PTPRU: variants seen among roughly 807,000 people sequenced by gnomAD.
PTPRU encodes protein tyrosine phosphatase receptor type U, also known as receptor-type tyrosine-protein phosphatase U.
Under a neutral mutation model 166.3 loss-of-function variants are expected in PTPRU, and 69 were observed. The ratio of observed to expected loss-of-function variants is 0.41; its 90% CI spans 0.34 to 0.51. PTPRU has a LOEUF of 0.51. PTPRU is among the 20% of genes least tolerant of loss of function. PTPRU has a pLI of 0.09. For missense variants in PTPRU, 1,657 were observed against 2,013.7 expected (o/e 0.82, Z 3.39); for synonymous variants, 793 against 814.0 (o/e 0.97, Z 0.44).
chr1:29,265,078 T>C (rs576500546), intron 7 of PTPRU, among the ~76,000 whole-genome samples: 2 of 152,322 alleles, frequency 1.3e-5, no homozygotes, highest in South Asian at 4.1e-4. Flanking sequence ...ATACAGAGGT[T>C]TTTGCATGAA....
intron 14 of PTPRU, among the ~76,000 whole-genome samples, chr1:29,290,517 C>T (rs1454217240): frequency 6.6e-6 from 1 of 152,256 alleles, no homozygotes; most frequent in African/African-American, 2.4e-5. Flanking sequence ...TCCTCCTGCC[C>T]CTGTGCTGGT....
intron 1 of PTPRU, among the ~76,000 whole-genome samples, chr1:29,248,455 C>T (rs1010414769): frequency 5.9e-5 from 9 of 152,134 alleles, no homozygotes; most frequent in Non-Finnish European, 1.3e-4. Flanking sequence ...CCCCCACCCA[C>T]AACTGGGCAT....
intron 18 of PTPRU, 136 bp from the exon 19 acceptor site, chr1:29,310,608 G>A: frequency 2.2e-6 from 2 of 903,622 alleles, no homozygotes; most frequent in East Asian, 2.4e-5. Context: ...ATCCTGCTTA[G>A]GAGGTCCTAG....
chr1:29,326,675 C>T lies in PTPRU; in HGVS notation c.*1014C>T, dbSNP rs963500786. Reference sequence around the variant, plus strand: ...AATGGGGCAGGCCACACCCCCATTCCGTGCCTCAATTTCCCCATCTGTAAA... The same window carrying T: ...AATGGGGCAGGCCACACCCCCATTCTGTGCCTCAATTTCCCCATCTGTAAA... On this transcript the variant is annotated 3_prime_UTR_variant, in exon 30 of 30. Coordinates refer to ENST00000373779, the MANE Select transcript of PTPRU (RefSeq NM_133178.4). 2.0e-5 allele frequency: 3 copies of T among 152,204 alleles called. No homozygotes were observed. The highest frequency in any genetic ancestry group is 4.8e-5 in the African/African-American group (2 of 41,424). 9.4% of individuals were successfully genotyped at this position (152,204 alleles called of 1,614,324 possible).
intron 1 of PTPRU, among the ~76,000 whole-genome samples, chr1:29,243,979 G>A (rs1448332303): frequency 6.6e-6 from 1 of 152,170 alleles, no homozygotes; most frequent in Non-Finnish European, 1.5e-5. Flanking sequence ...TGACGCAGGA[G>A]GTCTTGGGCA....
intron 13 of PTPRU, 38 bp downstream of exon 13, chr1:29,284,014 G>T (rs902809307): frequency 1.2e-6 from 2 of 1,611,718 alleles, no homozygotes; most frequent in African/African-American, 1.3e-5. Context: ...TCAGCGGCAG[G>T]TTTCTCACCT....
At position 29,275,752 on chromosome 1, in the gene PTPRU, G is replaced by A. The variant is rs763555638; in HGVS notation, c.1449G>A (p.Glu483=). ...AGGAGGTCACTTTCCAGACGGATGA[G>A]GATGGTAAGAGTCTCAGTCCCAATT... ...EGKEVTFQTD[E]DVPSGIAAES... is the part of the protein sequence containing the mutation. Residue 483 remains glutamate (E), a synonymous_variant, in exon 8 of 30, where the codon GAG becomes GAA. Transcript: ENST00000373779. 2 of 1,613,542 alleles carry A rather than the reference G, an allele frequency of 1.2e-6. No homozygotes were observed. The highest frequency in any genetic ancestry group is 2.2e-5 in the South Asian group (2 of 91,018).
intron 15 of PTPRU, among the ~76,000 whole-genome samples, chr1:29,293,725 C>T (rs1173063070): frequency 3.3e-5 from 5 of 151,822 alleles, no homozygotes; most frequent in South Asian, 2.1e-4. Flanking sequence ...CCACCTGCCT[C>T]GACCTCCCAA....
At position 29,311,796 on chromosome 1, in the gene PTPRU, C is replaced by T; in HGVS notation, c.3072+37C>T. ...CACCGCCTGTTCCCTGCAGAGGGTG[C>T]CTGAGCAGGGATTAGAGCCCACTCC... is the stretch of plus-strand genomic sequence containing the variant. On this transcript the variant is annotated intron_variant, in intron 21 of 29. Transcript: ENST00000373779. The surrounding 1 kb of genome is among the most constrained non-coding windows in gnomAD (Gnocchi z 4.1). 6.3e-7 allele frequency: 1 copy of T among 1,584,998 alleles called. No individual in the cohort carries two copies. Among genetic ancestry groups the T allele is most frequent in the Non-Finnish European group, 8.6e-7 (1 of 1,157,304 alleles).
intron 1 of PTPRU, among the ~76,000 whole-genome samples, chr1:29,242,453 A>T (rs1010213216): frequency 6.6e-6 from 1 of 151,850 alleles, no homozygotes; most frequent in Non-Finnish European, 1.5e-5. Flanking sequence ...ATCTAATAGA[A>T]CCTTCTGTGG....
At chr1:29,242,268 C>T (rs918618057) in intron 1 of PTPRU, among the ~76,000 whole-genome samples, 3 of 152,172 alleles carry the variant, frequency 2.0e-5, no homozygotes, top group Admixed American at 1.3e-4. Flanking sequence ...CAGGATGTGT[C>T]CACAAGGGGT....
At chr1:29,306,687 G>T (rs561815387) in intron 18 of PTPRU, among the ~76,000 whole-genome samples, 2 of 152,182 alleles carry the variant, frequency 1.3e-5, no homozygotes, top group African/African-American at 4.8e-5. Context: ...GGCCTGGGGG[G>T]CCAGGCAGAG....
At chr1:29,319,536 G>A (rs1486056295) in intron 25 of PTPRU, among the ~76,000 whole-genome samples, 21 of 152,262 alleles carry the variant, frequency 1.4e-4, no homozygotes, top group Admixed American at 1.3e-3. Context: ...TGGTGGTCAA[G>A]TCTGCAAGGA....
At position 29,291,800 on chromosome 1, in the gene PTPRU, C is replaced by A; in HGVS notation, c.2319-69C>A. ...TTGAGGTCCCCTTACTCCAGGGCCT[C>A]CCCAGCCACCTCTGGGTGCTGTCCA... On this transcript the variant is annotated intron_variant, in intron 14 of 29. Coordinates refer to ENST00000373779, the MANE Select transcript of PTPRU (RefSeq NM_133178.4). The surrounding 1 kb of genome is among the most constrained non-coding windows in gnomAD (Gnocchi z 4.1). The A allele has an allele frequency of 6.5e-7, 1 of 1,549,614 alleles. No homozygotes were observed. Among genetic ancestry groups the A allele is most frequent in the South Asian group, 1.2e-5 (1 of 84,090 alleles).
intron 7 of PTPRU, among the ~76,000 whole-genome samples, chr1:29,272,658 G>A (rs1685611849): frequency 6.6e-6 from 1 of 152,090 alleles, no homozygotes; most frequent in Non-Finnish European, 1.5e-5. Context: ...TGTAATCCCA[G>A]TACTTTGGGA....
chr1:29,315,440 G>T lies in PTPRU; in HGVS notation c.3296G>T (p.Gly1099Val). The change falls in exon 23 of 30, where the codon GGC (glycine) becomes GTC (valine). Residue 1099 changes from glycine (G) to valine (V), a missense_variant. Physicochemically the swap from Gly to Val is moderately radical, Grantham distance 109. Transcript: ENST00000373779. This position sits in a 1 kb window ranked among gnomAD's most constrained non-coding sequence, Gnocchi z 4.5. ...DVMLDMAECE[G>V]VVDIYNCVKT... ...ATGCTGGACATGGCAGAGTGTGAGGGCGTCGTGGACATTTACAACTGTGTG... is the reference window on the plus strand; with the variant it reads ...ATGCTGGACATGGCAGAGTGTGAGGTCGTCGTGGACATTTACAACTGTGTG... 1.9e-6 allele frequency: 3 copies of T among 1,614,228 alleles called. No individual in the cohort carries two copies. Among genetic ancestry groups the T allele is most frequent in the Non-Finnish European group, 2.5e-6 (3 of 1,180,040 alleles).
chr1:29,304,176 AC>A (rs1199847666), intron 16 of PTPRU, 131 bp downstream of exon 16: 1 of 1,058,840 alleles, frequency 9.4e-7, no homozygotes, highest in Non-Finnish European at 1.3e-6. Flanking sequence ...TTCCAACTCA[AC>A]CTTTTTGACC....
chr1:29,259,732 T>C, intron 5 of PTPRU, 138 bp from the exon 6 acceptor site: 2 of 1,276,636 alleles, frequency 1.6e-6, no homozygotes, highest in South Asian at 3.1e-5. Flanking sequence ...GGTCCCCCAT[T>C]CCCCCAGGTT....
Position 29,259,551 on chromosome 1 carries a change from G to A in PTPRU, c.662G>A (p.Arg221His). ...GCGGGCAGAGCGGCCGAGGCCGAAC[G>A]CTTCCTCTTGCAAGTGAGCGGGAGC... ...MAAGRAAEAERFLLQRQSGAL... is the reference protein window; with the variant it reads ...MAAGRAAEAEHFLLQRQSGAL... The change falls in exon 5 of 30, where the codon CGC (arginine) becomes CAC (histidine). Residue 221 changes from arginine (R) to histidine (H), a missense_variant. This residue lies in a region of PTPRU where 453 missense variants were observed against 496.9 expected (regional missense o/e 0.91). Coordinates refer to ENST00000373779, the MANE Select transcript of PTPRU (RefSeq NM_133178.4). The A allele has an allele frequency of 6.3e-7, 1 of 1,588,702 alleles. No individual in the cohort carries two copies. Among genetic ancestry groups the A allele is most frequent in the Non-Finnish European group, 8.6e-7 (1 of 1,165,142 alleles).
Sources: gnomAD v4.1 joint callset for allele counts (sites outside exome capture counted in the v4.1 genomes callset) on GRCh38, gnomAD v4.1.1 for gene constraint, gnomAD v4.1.1 regional missense constraint, Gnocchi (gnomAD v3.1) non-coding constraint, MANE v1.5 for transcripts, NCBI Gene and HGNC (gene_info 2026-07-23, HGNC 2026-07-21) for gene names.